The following EFR3A variants were observed in gnomAD, a reference collection of about 807,000 sequenced individuals.
EFR3A encodes the protein EFR3 homolog A.
EFR3A carries 76 observed loss-of-function variants against 104.4 expected under a neutral mutation model. The ratio of observed to expected loss-of-function variants is 0.73; its 90% CI spans 0.60 to 0.88. EFR3A has a LOEUF of 0.88. Ranked by LOEUF, EFR3A falls within the 40% of genes least tolerant of loss-of-function variation. The pLI is 0.00. For synonymous variants in EFR3A, 330 were observed against 330.0 expected (o/e 1.00, Z 0.00); for missense variants, 985 against 1,012.5 (o/e 0.97, Z 0.37).
intron 5 of EFR3A, among the ~76,000 whole-genome samples, chr8:131,951,855 T>A (rs1006587097): frequency 7.9e-5 from 12 of 152,030 alleles, no homozygotes; most frequent in Non-Finnish European, 1.5e-5. Context: ...ATACTTAGTT[T>A]GATTATTTCT....
intron 22 of EFR3A, among the ~76,000 whole-genome samples, chr8:132,010,105 A>C (rs1219076558): frequency 6.6e-6 from 1 of 151,854 alleles, no homozygotes; most frequent in Non-Finnish European, 1.5e-5. Context: ...ATTATCTCCT[A>C]CCTCTCAGAT....
intron 2 of EFR3A, 55 bp downstream of exon 2, chr8:131,940,630 G>T: frequency 6.4e-7 from 1 of 1,559,774 alleles, no homozygotes. Flanking sequence ...TCTGCCCCCC[G>T]CTGACCTCCT....
At position 131,979,379 on chromosome 8, in the gene EFR3A, AAG is replaced by A; in HGVS notation, c.1537_1538del (p.Glu513LysfsTer26). 1.9e-6 allele frequency: 3 copies of A among 1,568,562 alleles called. No individual in the cohort carries two copies. The highest frequency in any genetic ancestry group is 2.6e-6 in the Non-Finnish European group (3 of 1,155,330). On this transcript the variant is annotated frameshift_variant, in exon 14 of 23. Coordinates refer to ENST00000254624, the MANE Select transcript of EFR3A (RefSeq NM_015137.6). LOFTEE classifies it high-confidence loss of function. Reference protein sequence around the residue: ...IPDVADLKIKREKICRQDTSF... With the variant: ...IPDVADLKIKXEKICRQDTSF... ...CGGATGTAGCTGACCTAAAGATAAA[AAG>A]AGAAAAAATTTGCAGACAAGACACA... is the stretch of plus-strand genomic sequence containing the variant.
intron 4 of EFR3A, among the ~76,000 whole-genome samples, chr8:131,948,216 C>G (rs1563653035): frequency 6.6e-6 from 1 of 152,022 alleles, no homozygotes; most frequent in African/African-American, 2.4e-5. Context: ...AGTGTGGATT[C>G]CAGAGTCTGA....
intron 1 of EFR3A, among the ~76,000 whole-genome samples, chr8:131,926,107 A>T (rs568158918): frequency 2.5e-4 from 38 of 152,034 alleles, no homozygotes; most frequent in Non-Finnish European, 3.8e-4. Context: ...AAGACTAGAT[A>T]AAAAAAAGAC....
At chr8:131,979,151 T>G (rs1820472940) in intron 13 of EFR3A, 132 bp downstream of exon 13, 3 of 1,106,998 alleles carry the variant, frequency 2.7e-6, no homozygotes, top group Non-Finnish European at 3.8e-6. Context: ...TTAATTGGTA[T>G]TGAGATAATT....
intron 3 of EFR3A, among the ~76,000 whole-genome samples, chr8:131,945,453 T>C (rs1239639142): frequency 6.6e-6 from 1 of 152,056 alleles, no homozygotes; most frequent in Non-Finnish European, 1.5e-5. Context: ...ATAAATACTT[T>C]TTCATTCTGT....
At chr8:131,929,119 A>G (rs751974976) in intron 1 of EFR3A, among the ~76,000 whole-genome samples, 4 of 152,110 alleles carry the variant, frequency 2.6e-5, no homozygotes, top group Non-Finnish European at 5.9e-5. Flanking sequence ...CCCACCTTCA[A>G]GTTTACCTCA....
chr8:131,983,812 TTCAC>T (rs1465341916), intron 14 of EFR3A, among the ~76,000 whole-genome samples: 1 of 152,108 alleles, frequency 6.6e-6, no homozygotes, highest in African/African-American at 2.4e-5. Flanking sequence ...TGCCATCCAT[TTCAC>T]TTTTTTTCTC....
chr8:131,961,395 C>T (rs1417742443), intron 8 of EFR3A, among the ~76,000 whole-genome samples: 9 of 152,220 alleles, frequency 5.9e-5, no homozygotes, highest in East Asian at 3.9e-4. Flanking sequence ...AACCATGGCA[C>T]GAGAACTACT....
chr8:131,996,444 A>C lies in EFR3A; in HGVS notation c.2104A>C (p.Thr702Pro). Residue 702 changes from threonine (T) to proline (P), a missense_variant, in exon 19 of 23, where the codon ACC (threonine) becomes CCC (proline). By Grantham distance (38) the Thr-to-Pro change is conservative (BLOSUM62 -1). Transcript: ENST00000254624. ...RLSRRKSIVD[T>P]VSIQVDILSN... ...TTCTAGAAGAAAAAGCATTGTGGAC[A>C]CCGTATCCATTCAGGTGGATATTTT... The C allele has an allele frequency of 6.3e-7, 1 of 1,599,266 alleles. No individual in the cohort carries two copies. Among genetic ancestry groups the C allele is most frequent in the Non-Finnish European group, 8.5e-7 (1 of 1,174,854 alleles).
chr8:131,977,172 C>T, intron 12 of EFR3A, 80 bp downstream of exon 12: 1 of 1,000,680 alleles, frequency 1.0e-6, no homozygotes. Context: ...CATGTTACAA[C>T]CGTTCTTTCT....
Position 131,965,775 on chromosome 8 carries a change from G to A in EFR3A, c.856-2520G>A, listed in dbSNP as rs1451605288. Among the ~76,000 whole-genome samples the A allele has an allele frequency of 5.9e-5, 9 of 151,662 alleles. No individual in the cohort carries two copies. The East Asian group carries it at 9.7e-4, about 16-fold the overall frequency. On this transcript the variant is annotated intron_variant, in intron 8 of 22. Transcript: ENST00000254624. ...ACACATGCACACGTATGTTTATTGC[G>A]GCACTATTCACAATAGCAAAGACTT... is the stretch of plus-strand genomic sequence containing the variant.
At chr8:131,980,302 T>C (rs1353583145) in intron 14 of EFR3A, among the ~76,000 whole-genome samples, 1 of 152,122 alleles carries the variant, frequency 6.6e-6, no homozygotes, top group Non-Finnish European at 1.5e-5. Flanking sequence ...TCAAGTTAAC[T>C]CCATTTTAAA....
Position 131,987,675 on chromosome 8 carries a change from T to C in EFR3A, c.2038T>C (p.Ser680Pro), listed in dbSNP as rs147187755. 1.9e-6 allele frequency: 3 copies of C among 1,596,344 alleles called. No individual in the cohort carries two copies. The African/African-American group carries it at 4.0e-5, about 21-fold the overall frequency. The change falls in exon 18 of 23, where the codon TCA (serine) becomes CCA (proline). Residue 680 changes from serine (S) to proline (P), a missense_variant. Coordinates refer to ENST00000254624, the MANE Select transcript of EFR3A (RefSeq NM_015137.6). Reference protein sequence around the residue: ...GGSGYSVERLSVPYVPQVTDE... With the variant: ...GGSGYSVERLPVPYVPQVTDE... ...AAGTGGATATAGTGTTGAGAGATTG[T>C]CAGTTCCGTATGTACCACAAGTAAC...
intron 1 of EFR3A, among the ~76,000 whole-genome samples, chr8:131,906,028 C>G (rs1356846372): frequency 2.0e-5 from 3 of 152,180 alleles, no homozygotes; most frequent in Non-Finnish European, 4.4e-5. Context: ...GACTGGAAGA[C>G]AAGTGAAATG....
At chr8:131,944,055 A>G (rs1018865744) in intron 2 of EFR3A, among the ~76,000 whole-genome samples, 2 of 152,106 alleles carry the variant, frequency 1.3e-5, no homozygotes, top group Non-Finnish European at 2.9e-5. Flanking sequence ...TTCACTGTCT[A>G]ACATAGTTTC....
At chr8:132,001,645 A>G (rs1424573593) in intron 19 of EFR3A, 114 bp from the exon 20 acceptor site, 1 of 847,506 alleles carries the variant, frequency 1.2e-6, no homozygotes, top group Non-Finnish European at 2.0e-6. Context: ...GCTCAGACCC[A>G]ACACAAAGAA....
At chr8:132,010,301 C>G (rs538733778) in intron 22 of EFR3A, among the ~76,000 whole-genome samples, 1 of 150,072 alleles carries the variant, frequency 6.7e-6, no homozygotes, top group East Asian at 2.0e-4. Flanking sequence ...GACAATCAGT[C>G]GGAATAAAAT....
Sources: allele counts gnomAD v4.1 joint callset (sites outside exome capture counted in the v4.1 genomes callset), GRCh38; gene constraint gnomAD v4.1.1; transcripts MANE v1.5; gene names NCBI Gene and HGNC (gene_info 2026-07-23, HGNC 2026-07-21).